FREM1: variants seen among roughly 807,000 people sequenced by gnomAD.
FREM1 encodes FRAS1-related extracellular matrix protein 1.
In FREM1, 220 loss-of-function variants were observed where a neutral mutation model predicts 210.1. That is an observed-to-expected ratio of 1.05 (90% CI 0.94 to 1.17). The LOEUF is 1.17. Among genes scored for constraint, FREM1 ranks in the 50% most tolerant of loss-of-function variants. The pLI is 0.00. For missense variants in FREM1, 3,454 were observed against 2,675.5 expected, an observed-to-expected ratio of 1.29 and a Z score of -6.42; for synonymous variants, 1,189 against 980.2, an observed-to-expected ratio of 1.21 and a Z score of -3.98.
intron 17 of FREM1, 138 bp downstream of exon 17, chr9:14,807,802 G>T (rs1818663436): frequency 1.5e-6 from 1 of 647,774 alleles, no homozygotes; most frequent in Non-Finnish European, 2.6e-6. Flanking sequence ...CACAAAATTT[G>T]TGTTGAGGTA....
chr9:14,765,965 G>T (rs1397219280), intron 27 of FREM1, among the ~76,000 whole-genome samples: 1 of 152,128 alleles, frequency 6.6e-6, no homozygotes, highest in Non-Finnish European at 1.5e-5. Context: ...GAATGATGTG[G>T]GTCCTGTGTA....
intron 1 of FREM1, among the ~76,000 whole-genome samples, chr9:14,904,724 G>A (rs1817395256): frequency 6.6e-6 from 1 of 152,126 alleles, no homozygotes; most frequent in Non-Finnish European, 1.5e-5. Flanking sequence ...GAGAGGGAGT[G>A]TGGATTAGGT....
chr9:14,796,102 T>C (rs992521634), intron 21 of FREM1, among the ~76,000 whole-genome samples: 14 of 152,210 alleles, frequency 9.2e-5, no homozygotes, highest in Non-Finnish European at 4.4e-5. Context: ...CTATCATCAG[T>C]ATTTCCCATA....
chr9:14,818,419 A>C (rs1386571647), intron 14 of FREM1, among the ~76,000 whole-genome samples: 1 of 152,248 alleles, frequency 6.6e-6, no homozygotes, highest in Non-Finnish European at 1.5e-5. Context: ...GTTTCTGGTC[A>C]ACTTTCTAGT....
At chr9:14,737,920 C>T (rs764086911) in intron 36 of FREM1, among the ~76,000 whole-genome samples, 2 of 152,090 alleles carry the variant, frequency 1.3e-5, no homozygotes, top group Admixed American at 6.5e-5. Context: ...GCATGTAAAG[C>T]TCTTGGCATA....
chr9:14,757,904 T>G (rs1844728169), intron 28 of FREM1, among the ~76,000 whole-genome samples: 1 of 152,204 alleles, frequency 6.6e-6, no homozygotes, highest in Admixed American at 6.5e-5. Flanking sequence ...CACCTTTCAT[T>G]GTGAAAAGGC....
chr9:14,873,324 T>C (rs1332595977), intron 1 of FREM1, among the ~76,000 whole-genome samples: 1 of 152,218 alleles, frequency 6.6e-6, no homozygotes, highest in Non-Finnish European at 1.5e-5. Context: ...TGGTAAGCTA[T>C]TGATTATTGC....
chr9:14,774,356 C>T (rs1244831784), intron 25 of FREM1, among the ~76,000 whole-genome samples: 1 of 152,106 alleles, frequency 6.6e-6, no homozygotes, highest in Admixed American at 6.6e-5. Context: ...TGAAGCCCCC[C>T]AAAAAGGAAG....
intron 2 of FREM1, among the ~76,000 whole-genome samples, chr9:14,864,666 C>T (rs1831187334): frequency 6.6e-6 from 1 of 152,174 alleles, no homozygotes. Flanking sequence ...TCTCTCCCAC[C>T]CATATCATGC....
chr9:14,896,812 A>G (rs1837829598), intron 1 of FREM1, among the ~76,000 whole-genome samples: 1 of 152,326 alleles, frequency 6.6e-6, no homozygotes, highest in East Asian at 1.9e-4. Flanking sequence ...CACTTAAAGA[A>G]ACTTCCACTA....
chr9:14,884,922 T>TTTC (rs1835503967), intron 1 of FREM1, among the ~76,000 whole-genome samples: 2 of 130,196 alleles, frequency 1.5e-5, no homozygotes, highest in Non-Finnish European at 3.3e-5. Context: ...TAGCTTTTTT[T>TTTC]TTTTTTTTTT....
chr9:14,791,950 G>A (rs1169831849), intron 22 of FREM1, among the ~76,000 whole-genome samples: 2 of 151,858 alleles, frequency 1.3e-5, no homozygotes, highest in African/African-American at 4.8e-5. Context: ...TAATTCTCCT[G>A]CCTCCGCCTG....
chr9:14,785,556 G>C lies in FREM1; in HGVS notation c.4178-922C>G, dbSNP rs145170825. 3.3e-3 allele frequency among the ~76,000 whole-genome samples: 504 copies of C among 152,262 alleles called. 3 individuals are homozygous for C. The highest frequency in any genetic ancestry group is 0.012 in the African/African-American group (483 of 41,542). On this transcript the variant is annotated intron_variant, in intron 23 of 36. Coordinates refer to ENST00000380880, the MANE Select transcript of FREM1 (RefSeq NM_001379081.2). ...AACTCAAGTGCCTCTCAACAGATGA[G>C]TGGATAAACAAAATGTGGCATATAC... is the stretch of plus-strand genomic sequence containing the variant.
At chr9:14,809,214 C>T (rs755255671) in intron 16 of FREM1, among the ~76,000 whole-genome samples, 1 of 152,198 alleles carries the variant, frequency 6.6e-6, no homozygotes, top group African/African-American at 2.4e-5. Flanking sequence ...CTTGCTCCTC[C>T]TTGCCTTCTG....
intron 25 of FREM1, among the ~76,000 whole-genome samples, chr9:14,774,326 T>C (rs1206555064): frequency 3.9e-5 from 6 of 152,166 alleles, no homozygotes; most frequent in African/African-American, 1.4e-4. Flanking sequence ...CAATCAGTTG[T>C]AGGCTTTAAG....
chr9:14,811,799 G>C (rs887412474), intron 16 of FREM1, among the ~76,000 whole-genome samples: 2 of 152,056 alleles, frequency 1.3e-5, no homozygotes, highest in South Asian at 4.2e-4. Context: ...CTCACTGCTT[G>C]AATCTCTTCA....
chr9:14,771,036 A>G (rs958629077), intron 25 of FREM1, among the ~76,000 whole-genome samples: 2 of 152,036 alleles, frequency 1.3e-5, no homozygotes, highest in African/African-American at 4.8e-5. Flanking sequence ...CACTTTATCA[A>G]TTTGTCTATT....
chr9:14,826,098 C>CTCT (rs34939930), intron 10 of FREM1, among the ~76,000 whole-genome samples: 3 of 135,536 alleles, frequency 2.2e-5, no homozygotes, highest in Admixed American at 7.8e-5. Flanking sequence ...CTTTCTCAAC[C>CTCT]TTTTTTTTTT....
In FREM1 at chr9:14,748,581, G is replaced by A; in HGVS notation, c.5616C>T (p.Gly1872=). The change falls in exon 31 of 37, where the codon GGC becomes GGT. Residue 1872 remains glycine (G), a synonymous_variant. Transcript: ENST00000380880. The part of the protein sequence containing the change: ...NQSKHSTWEK[G]IWHLLPPGSS... ...ACCCTGGGGGCAGCAGATGCCAAAT[G>A]CCCTTCTCCCATGTGCTGTGCTTGC... 2 of 1,613,876 alleles carry A rather than the reference G, an allele frequency of 1.2e-6. No individual in the cohort carries two copies.
Sources: allele counts gnomAD v4.1 joint callset (sites outside exome capture counted in the v4.1 genomes callset), GRCh38; gene constraint gnomAD v4.1.1; transcripts MANE v1.5; gene names NCBI Gene and HGNC (gene_info 2026-07-23, HGNC 2026-07-21).